INSC: variants seen among roughly 807,000 people sequenced by gnomAD.
INSC encodes the protein protein inscuteable homolog.
In INSC, 67 loss-of-function variants were observed where a neutral mutation model predicts 58.6. The observed-to-expected ratio is 1.14, with a 90% CI of 0.94 to 1.40. The LOEUF is 1.40. Among genes scored for constraint, INSC ranks in the 40% most tolerant of loss-of-function variants. The probability of loss-of-function intolerance (pLI) is 0.00; values close to 1 mark genes in which losing one functional copy is unlikely to be tolerated. For missense variants in INSC, 714 were observed against 692.0 expected, an observed-to-expected ratio of 1.03 and a Z score of -0.36; for synonymous variants, 262 against 276.1, an observed-to-expected ratio of 0.95 and a Z score of 0.51.
chr11:15,226,207 G>T (rs1485646076), intron 9 of INSC, among the ~76,000 whole-genome samples: 4 of 152,096 alleles, frequency 2.6e-5, no homozygotes, highest in Non-Finnish European at 5.9e-5. Context: ...CATGGAAGGT[G>T]CCTAGACCTC....
chr11:15,180,697 G>GA (rs1197863292), intron 5 of INSC, among the ~76,000 whole-genome samples: 2 of 117,140 alleles, frequency 1.7e-5, no homozygotes, highest in Non-Finnish European at 3.6e-5. Flanking sequence ...GGGGGGGCGG[G>GA]GGGGGGTGGT....
At chr11:15,137,900 C>T (rs1359428709) in intron 1 of INSC, among the ~76,000 whole-genome samples, 1 of 152,190 alleles carries the variant, frequency 6.6e-6, no homozygotes, top group East Asian at 1.9e-4. Flanking sequence ...TAGATTTTGG[C>T]CTATCTGGGC....
At chr11:15,230,145 G>A (rs12272566) in intron 9 of INSC, among the ~76,000 whole-genome samples, 9,955 of 141,582 alleles carry the variant, frequency 0.07, 811 homozygotes, top group African/African-American at 0.2. Context: ...AGCCAAGATG[G>A]CACCACTGTA....
intron 1 of INSC, among the ~76,000 whole-genome samples, chr11:15,134,140 C>A (rs992294182): frequency 6.6e-6 from 1 of 152,180 alleles, no homozygotes; most frequent in African/African-American, 2.4e-5. Context: ...TTACTTTGGA[C>A]GTTTGGAGGA....
intron 5 of INSC, chr11:15,188,134 G>T: frequency 6.2e-6 from 6 of 968,654 alleles, no homozygotes; most frequent in Non-Finnish European, 7.4e-6. Flanking sequence ...CTTAGGGGAA[G>T]TGTGGCCTTG....
downstream of INSC, among the ~76,000 whole-genome samples, chr11:15,251,577 T>C (rs1276176623): frequency 3.9e-5 from 6 of 152,160 alleles, no homozygotes; most frequent in Non-Finnish European, 8.8e-5. Flanking sequence ...ACCCAGTTAA[T>C]AGCTGGACAA....
chr11:15,178,794 G>A (rs144366370), intron 5 of INSC, among the ~76,000 whole-genome samples: 12 of 152,254 alleles, frequency 7.9e-5, no homozygotes, highest in Admixed American at 1.3e-4. Context: ...CCTGTGTCCT[G>A]AAGATAAAAC....
rs568699871 is a variant in INSC at position 15,160,295 on chromosome 11, T to G, written c.56+11065T>G. Among the ~76,000 whole-genome samples, 133 of 151,652 alleles carry G rather than the reference T, an allele frequency of 8.8e-4. 1 individual carries two copies. The highest frequency in any genetic ancestry group is 3.0e-3 in the African/African-American group (125 of 41,294). On this transcript the variant is annotated intron_variant, in intron 2 of 12. Coordinates refer to ENST00000379556, the MANE Select transcript of INSC (RefSeq NM_001042536.3). The stretch of plus-strand genomic sequence containing the variant: ...AGAAGCCAGCAAGGTGAAGAGGAAG[T>G]GGGAGAGAGGGACCAGCATGTGCAA...
rs764901841 is a variant in INSC, at chr11:15,200,826, G to A, written c.696G>A (p.Glu232=). The change falls in exon 7 of 13, where the codon GAG becomes GAA. Residue 232 remains glutamate (E), a splice_region_variant and synonymous_variant. Coordinates refer to ENST00000379556, the MANE Select transcript of INSC (RefSeq NM_001042536.3). The part of the protein sequence containing the change: ...GAPLCRIIAK[E]GGVVALFKVC... ...GTGACATTTCTTTCTCTTGGCAGGA[G>A]GGTGGGGTCGTAGCACTCTTCAAGG... 5.0e-6 allele frequency: 8 copies of A among 1,613,972 alleles called. No individual in the cohort carries two copies. In the South Asian group the frequency reaches 5.5e-5, roughly 11 times the overall value.
intron 9 of INSC, among the ~76,000 whole-genome samples, chr11:15,227,182 T>C (rs1410655668): frequency 6.6e-6 from 1 of 152,220 alleles, no homozygotes; most frequent in Non-Finnish European, 1.5e-5. Context: ...AATCCTGACT[T>C]AGAACTTGAT....
chr11:15,150,481 G>A (rs746470748), intron 2 of INSC, among the ~76,000 whole-genome samples: 1 of 152,210 alleles, frequency 6.6e-6, no homozygotes, highest in Non-Finnish European at 1.5e-5. Context: ...CAGTGCCATT[G>A]TTCACCTCAG....
chr11:15,237,357 C>T (rs1488901954), intron 10 of INSC, among the ~76,000 whole-genome samples: 1 of 152,146 alleles, frequency 6.6e-6, no homozygotes, highest in Non-Finnish European at 1.5e-5. Context: ...TGTTTACTAA[C>T]CATATGACCT....
the INSC span, among the ~76,000 whole-genome samples, chr11:15,254,197 C>G: frequency 6.6e-6 from 1 of 152,122 alleles, no homozygotes; most frequent in Admixed American, 6.6e-5. Flanking sequence ...AAAGTTAATA[C>G]TGTTGTGGGA....
At chr11:15,267,831 G>T in the INSC span, among the ~76,000 whole-genome samples, 1 of 151,924 alleles carries the variant, frequency 6.6e-6, no homozygotes, top group Non-Finnish European at 1.5e-5. Context: ...TTGTGAATTT[G>T]CTTTAGGGGT....
chr11:15,252,959 G>A, the INSC span, among the ~76,000 whole-genome samples: 8 of 152,062 alleles, frequency 5.3e-5, no homozygotes, highest in African/African-American at 1.4e-4. Context: ...GTGTCCCACT[G>A]CCATCAAAAT....
At chr11:15,160,444 G>T (rs895132255) in intron 2 of INSC, among the ~76,000 whole-genome samples, 1 of 152,186 alleles carries the variant, frequency 6.6e-6, no homozygotes, top group African/African-American at 2.4e-5. Flanking sequence ...AGTGTCATGT[G>T]TAGGGGCACA....
At position 15,190,815 on chromosome 11, in the gene INSC, G is replaced by T; in HGVS notation, c.693+1G>T. Reference sequence around the variant, plus strand: ...TCCCTTGTGCCGCATCATAGCCAAGGTGAGCTTCATGGTTAGGGACCAAAA... The same window carrying T: ...TCCCTTGTGCCGCATCATAGCCAAGTTGAGCTTCATGGTTAGGGACCAAAA... On this transcript the variant is annotated splice_donor_variant, in intron 6 of 12. Coordinates refer to ENST00000379556, the MANE Select transcript of INSC (RefSeq NM_001042536.3). LOFTEE classifies it high-confidence loss of function. 7 of 1,608,922 alleles carry T rather than the reference G, an allele frequency of 4.4e-6. No individual in the cohort carries two copies. The highest frequency in any genetic ancestry group is 2.6e-6 in the Non-Finnish European group (3 of 1,175,336).
At chr11:15,206,557 G>T (rs966635000) in intron 7 of INSC, among the ~76,000 whole-genome samples, 1 of 152,186 alleles carries the variant, frequency 6.6e-6, no homozygotes, top group Admixed American at 6.5e-5. Flanking sequence ...GGGAGTAAGG[G>T]CCCCAGAGCC....
the INSC span, among the ~76,000 whole-genome samples, chr11:15,265,878 AT>A: frequency 8.0e-5 from 8 of 100,554 alleles, no homozygotes; most frequent in African/African-American, 2.7e-4. Context: ...CTATTTTAGC[AT>A]TTTTTTCAGT....
Sources: gnomAD v4.1 joint callset for allele counts (sites outside exome capture counted in the v4.1 genomes callset) on GRCh38, gnomAD v4.1.1 for gene constraint, MANE v1.5 for transcripts, NCBI Gene and HGNC (gene_info 2026-07-23, HGNC 2026-07-21) for gene names.